Variants in LATS2 observed in about 807,000 individuals in gnomAD.
The protein encoded by LATS2 is large tumor suppressor kinase 2.
In LATS2, 24 loss-of-function variants were observed where a neutral mutation model predicts 76.0. The ratio of observed to expected loss-of-function variants is 0.32; its 90% confidence interval spans 0.23 to 0.44. The LOEUF (loss-of-function observed/expected upper bound fraction) is 0.44. Ranked by LOEUF, LATS2 falls within the 20% of genes least tolerant of loss-of-function variation. LATS2 has a pLI of 1.00. For synonymous variants in LATS2, 692 were observed against 635.4 expected, an observed-to-expected ratio of 1.09 and a Z score of -1.34; for missense variants, 1,286 against 1,481.2, an observed-to-expected ratio of 0.87 and a Z score of 2.16.
chr13:20,988,343 C>CGGCGCG lies in LATS2; in HGVS notation c.1436_1437insCGCGCC (p.Pro479_Ala480dup). The CGGCGCG allele has an allele frequency of 7.7e-7, 1 of 1,298,768 alleles. No homozygotes were observed. Among genetic ancestry groups the CGGCGCG allele is most frequent in the Non-Finnish European group, 1.0e-6 (1 of 1,004,358 alleles). 80.5% of individuals were successfully genotyped at this position (1,298,768 alleles called of 1,614,324 possible). A position where few individuals can be genotyped will look rare whatever the true frequency, so the allele number is the denominator to read the frequency against. On this transcript the variant is annotated inframe_insertion, in exon 4 of 8. Coordinates refer to ENST00000382592, the MANE Select transcript of LATS2 (RefSeq NM_014572.3). ...CCTTGGCGTCCAAGCCCTCCGCAGC[C>CGGCGCG]GGGGCGGGGGCGGGGGCGGGGGCCG...
In LATS2 at chr13:20,983,481, T is replaced by A. The variant is rs772276792; in HGVS notation, c.2225A>T (p.Tyr742Phe). The part of the protein sequence containing the change: ...YYSFQDKDSL[Y>F]FVMDYIPGGD... ...ACCAGGGATGTAGTCCATCACAAAG[T>A]ACAGGCTGTCTTTGTCTTGGAAGGA... Residue 742 changes from tyrosine (Y) to phenylalanine (F), a missense_variant, in exon 5 of 8, where the codon TAC becomes TTC. Physicochemically the swap from Tyr to Phe is conservative, Grantham distance 22. This residue lies in a region of LATS2 where 247 missense variants were observed against 385.4 expected (regional missense o/e 0.64). Coordinates refer to ENST00000382592, the MANE Select transcript of LATS2 (RefSeq NM_014572.3). 3 of 1,614,076 alleles carry A rather than the reference T, an allele frequency of 1.9e-6. No individual in the cohort carries two copies. The South Asian group carries it at 3.3e-5, about 18-fold the overall frequency.
chr13:21,017,022 G>A (rs564586824), intron 2 of LATS2, among the ~76,000 whole-genome samples: 61 of 152,310 alleles, frequency 4.0e-4, no homozygotes, highest in African/African-American at 1.4e-3. Flanking sequence ...CTCCCACAGA[G>A]GAAAATATGG....
intron 2 of LATS2, among the ~76,000 whole-genome samples, chr13:21,035,691 G>T (rs1392495695): frequency 6.6e-6 from 1 of 152,122 alleles, no homozygotes; most frequent in Non-Finnish European, 1.5e-5. Context: ...TCACATTATA[G>T]CCCACATAAA....
chr13:21,024,547 T>C (rs1395322100), intron 2 of LATS2, among the ~76,000 whole-genome samples: 1 of 151,976 alleles, frequency 6.6e-6, no homozygotes, highest in East Asian at 1.9e-4. Context: ...AAAAGTTGAG[T>C]ATGGCCCTGC....
In LATS2 at chr13:21,033,595, C is replaced by T. The variant is rs188172625; in HGVS notation, c.342+12090G>A. ...GCATGGAGAAGGTGACAGACACACA[C>T]GGTATCGCTGAAGGCTCTTGTAAGC... On this transcript the variant is annotated intron_variant, in intron 2 of 7. Coordinates refer to ENST00000382592, the MANE Select transcript of LATS2 (RefSeq NM_014572.3). Among the ~76,000 whole-genome samples, 171 of 151,096 alleles carry T rather than the reference C, an allele frequency of 1.1e-3. 1 individual carries two copies. In the Middle Eastern group the frequency reaches 0.02, roughly 18 times the overall value.
chr13:21,024,257 A>T (rs1872211991), intron 2 of LATS2, among the ~76,000 whole-genome samples: 1 of 151,810 alleles, frequency 6.6e-6, no homozygotes, highest in South Asian at 2.1e-4. Flanking sequence ...AACATGGTGA[A>T]ACCCATCTCT....
intron 2 of LATS2, among the ~76,000 whole-genome samples, chr13:21,045,094 T>A (rs1873018129): frequency 1.3e-5 from 1 of 79,844 alleles, no homozygotes; most frequent in African/African-American, 3.2e-5. Flanking sequence ...CCTAAACAAC[T>A]GAAAAGTGAG....
In LATS2 at chr13:21,053,992, T is replaced by C. The variant is rs560018845; in HGVS notation, c.-205+7354A>G. ...GTCTTATGTATAGACAGTGGTGATG[T>C]TTGCAGTAATGGTGCATTTAATGCC... is the stretch of plus-strand genomic sequence containing the variant. On this transcript the variant is annotated intron_variant, in intron 1 of 7. Transcript: ENST00000382592. Among the ~76,000 whole-genome samples the C allele has an allele frequency of 9.7e-4, 147 of 152,330 alleles. 2 individuals are homozygous for C. The South Asian group carries it at 0.021, about 22-fold the overall frequency.
chr13:20,989,537 G>C (rs1345904055), intron 3 of LATS2, among the ~76,000 whole-genome samples: 2 of 152,320 alleles, frequency 1.3e-5, no homozygotes, highest in East Asian at 1.9e-4. Flanking sequence ...AGGGCACATG[G>C]GAGGGCCAAG....
At chr13:21,018,503 G>A (rs759207855) in intron 2 of LATS2, among the ~76,000 whole-genome samples, 1 of 152,250 alleles carries the variant, frequency 6.6e-6, no homozygotes, top group African/African-American at 2.4e-5. Flanking sequence ...GGCCTTTGAT[G>A]AAAGGACAAG....
In LATS2 at chr13:20,983,474, C is replaced by T; in HGVS notation, c.2232G>A (p.Val744=). 3.1e-6 allele frequency: 5 copies of T among 1,614,122 alleles called. No individual in the cohort carries two copies. The highest frequency in any genetic ancestry group is 4.2e-6 in the Non-Finnish European group (5 of 1,180,016). ...TGTCCCCACCAGGGATGTAGTCCAT[C>T]ACAAAGTACAGGCTGTCTTTGTCTT... ...SFQDKDSLYF[V]MDYIPGGDMM... The change falls in exon 5 of 8, where the codon GTG becomes GTA. Residue 744 remains valine, a synonymous_variant. Coordinates refer to ENST00000382592, the MANE Select transcript of LATS2 (RefSeq NM_014572.3).
chr13:20,988,843 C>A lies in LATS2; in HGVS notation c.937G>T (p.Val313Leu). ...AFPPPAAGLY[V>L]PHPHHKQAGP... ...GCCTGCTTGTGGTGTGGGTGCGGCA[C>A]GTAGAGCCCGGCGGCAGGGGGTGGG... Residue 313 changes from valine (V) to leucine (L), a missense_variant, in exon 4 of 8, where the codon GTG becomes TTG. Physicochemically the swap from Val to Leu is conservative, Grantham distance 32 (BLOSUM62 1). Coordinates refer to ENST00000382592, the MANE Select transcript of LATS2 (RefSeq NM_014572.3). 6.3e-7 allele frequency: 1 copy of A among 1,593,662 alleles called. No homozygotes were observed. The highest frequency in any genetic ancestry group is 1.7e-5 in the Admixed American group (1 of 59,030).
At chr13:21,054,384 G>A (rs1273627640) in intron 1 of LATS2, among the ~76,000 whole-genome samples, 3 of 152,148 alleles carry the variant, frequency 2.0e-5, no homozygotes, top group African/African-American at 4.8e-5. Flanking sequence ...CTCCAGCCTA[G>A]GCAACAGAGC....
At chr13:21,009,548 TAACA>T (rs1260907288) in intron 2 of LATS2, among the ~76,000 whole-genome samples, 2 of 152,158 alleles carry the variant, frequency 1.3e-5, no homozygotes, top group Non-Finnish European at 2.9e-5. Flanking sequence ...AAAATGTAGG[TAACA>T]AACACATATA....
rs372913919 is a variant in LATS2 at position 20,979,791 on chromosome 13, G to C, written c.2672C>G (p.Thr891Ser). 5.0e-6 allele frequency: 8 copies of C among 1,598,112 alleles called. No homozygotes were observed. Among genetic ancestry groups the C allele is most frequent in the Non-Finnish European group, 6.9e-6 (8 of 1,166,328 alleles). ...AACACTCCACCAGTCACAGAGTTGA[G>C]TGTACCCTGCAAGACAAAGTTCACT... Reference protein sequence around the residue: ...APEVLLRKGYTQLCDWWSVGV... With the variant: ...APEVLLRKGYSQLCDWWSVGV... Residue 891 changes from threonine to serine, a missense_variant, in exon 7 of 8, where the codon ACT becomes AGT. By Grantham distance (58) the Thr-to-Ser change is moderately conservative. This residue lies in a region of LATS2 where 247 missense variants were observed against 385.4 expected (regional missense o/e 0.64). Transcript: ENST00000382592.
At chr13:21,032,167 A>C (rs1872549704) in intron 2 of LATS2, among the ~76,000 whole-genome samples, 1 of 152,182 alleles carries the variant, frequency 6.6e-6, no homozygotes, top group African/African-American at 2.4e-5. Flanking sequence ...ACTGCATTCT[A>C]ATGGGTTAGG....
intron 5 of LATS2, among the ~76,000 whole-genome samples, chr13:20,982,992 C>CA (rs67372854): frequency 0.48 from 41,649 of 86,996 alleles, 10,339 homozygotes; most frequent in Middle Eastern, 0.52. Flanking sequence ...AACTCTGTCT[C>CA]AAAAAAAAAA....
intron 2 of LATS2, among the ~76,000 whole-genome samples, chr13:20,999,232 G>A (rs544854297): frequency 6.6e-6 from 1 of 152,386 alleles, no homozygotes; most frequent in East Asian, 1.9e-4. Context: ...AGAAGCTCCA[G>A]CCCCAGCCGT....
Position 20,989,214 on chromosome 13 carries a change from G to A in LATS2, c.566C>T (p.Thr189Ile). ...SFASYHQLSGTPYEGPSFGAD... is the reference protein window; with the variant it reads ...SFASYHQLSGIPYEGPSFGAD... Reference sequence around the variant, plus strand: ...GCCGAAGCTTGGGCCCTCGTAGGGGGTACCGCTCAGCTGGTGGTAGGACGC... The same window carrying A: ...GCCGAAGCTTGGGCCCTCGTAGGGGATACCGCTCAGCTGGTGGTAGGACGC... Residue 189 changes from threonine to isoleucine, a missense_variant, in exon 4 of 8, where the codon ACC becomes ATC. By Grantham distance (89) the Thr-to-Ile change is moderately conservative. Transcript: ENST00000382592. 4 of 1,613,858 alleles carry A rather than the reference G, an allele frequency of 2.5e-6. No individual in the cohort carries two copies. Among genetic ancestry groups the A allele is most frequent in the Non-Finnish European group, 3.4e-6 (4 of 1,180,012 alleles).
Sources: gnomAD v4.1 joint callset for allele counts (sites outside exome capture counted in the v4.1 genomes callset) on GRCh38, gnomAD v4.1.1 for gene constraint, gnomAD v4.1.1 regional missense constraint, MANE v1.5 for transcripts, NCBI Gene and HGNC (gene_info 2026-07-23, HGNC 2026-07-21) for gene names.